The following TSHZ3 variants were observed in gnomAD, a reference collection of about 807,000 sequenced individuals.
TSHZ3 encodes teashirt homolog 3.
Under a neutral mutation model 64.5 loss-of-function variants are expected in TSHZ3, and 10 were observed. That is an observed-to-expected ratio of 0.16 (90% CI 0.10 to 0.26). The LOEUF (loss-of-function observed/expected upper bound fraction) is 0.26, where lower values mean the gene tolerates loss of function less well. Ranked by LOEUF, TSHZ3 falls within the 10% of genes least tolerant of loss-of-function variation. The pLI is 1.00. For synonymous variants in TSHZ3, 608 were observed against 593.1 expected (o/e 1.03, Z -0.36); for missense variants, 1,242 against 1,421.7 (o/e 0.87, Z 2.03).
At position 31,277,066 on chromosome 19, in the gene TSHZ3, C is replaced by A; in HGVS notation, c.2727G>T (p.Gln909His). The A allele has an allele frequency of 6.2e-7, 1 of 1,608,786 alleles. No homozygotes were observed. Among genetic ancestry groups the A allele is most frequent in the Non-Finnish European group, 8.5e-7 (1 of 1,176,620 alleles). ...AGGTCTGCCGGAGGCTGGCGGCAAA[C>A]TGGGCCTGGAGGATCAGGAGGTGCT... ...NPQHLLILQA[Q>H]FAASLRQTSE... is the part of the protein sequence containing the mutation. The change falls in exon 2 of 2, where the codon CAG (glutamine) becomes CAT (histidine). Residue 909 changes from glutamine (Q) to histidine (H), a missense_variant. Physicochemically the swap from Gln to His is conservative, Grantham distance 24. Coordinates refer to ENST00000240587, the MANE Select transcript of TSHZ3 (RefSeq NM_020856.4). This position sits in a 1 kb window ranked among gnomAD's most constrained non-coding sequence, Gnocchi z 4.5.
At position 31,276,379 on chromosome 19, in the gene TSHZ3, G is replaced by T; in HGVS notation, c.*168C>A. On this transcript the variant is annotated 3_prime_UTR_variant, in exon 2 of 2. Transcript: ENST00000240587. The stretch of plus-strand genomic sequence containing the variant: ...TTTACCAGTAACAACAGCTGATTAT[G>T]CACCTCTATTAAACACTGTACAGTT... 1.8e-6 allele frequency: 1 copy of T among 546,094 alleles called. No homozygotes were observed. The highest frequency in any genetic ancestry group is 3.1e-6 in the Non-Finnish European group (1 of 326,916). The allele number at this position is 546,094 out of a possible 1,614,324, so 33.8% of individuals were successfully genotyped here.
At chr19:31,224,456 G>A (rs919099792) in intron 4 of TSHZ3, among the ~76,000 whole-genome samples, 22 of 152,192 alleles carry the variant, frequency 1.4e-4, no homozygotes, top group African/African-American at 5.3e-4. Flanking sequence ...TATTCTGAAG[G>A]GGGAAAAGGA....
intron 6 of TSHZ3, among the ~76,000 whole-genome samples, chr19:31,152,337 T>C (rs1199347718): frequency 6.6e-6 from 1 of 152,034 alleles, no homozygotes; most frequent in Admixed American, 6.6e-5. Flanking sequence ...GCTTCTGTTT[T>C]TTGTCAGCCC....
intron 1 of TSHZ3, among the ~76,000 whole-genome samples, chr19:31,292,563 T>C (rs1210830259): frequency 6.6e-6 from 1 of 152,176 alleles, no homozygotes; most frequent in Non-Finnish European, 1.5e-5. Flanking sequence ...ATGGCTAACA[T>C]GAGATGGGAG....
At chr19:31,330,582 A>G (rs182257538) in intron 1 of TSHZ3, among the ~76,000 whole-genome samples, 250 of 151,676 alleles carry the variant, frequency 1.6e-3, no homozygotes, top group African/African-American at 5.8e-3. Flanking sequence ...TCCCACCTTA[A>G]CCAGCCACAG....
At chr19:31,338,462 C>T (rs572563658) in intron 1 of TSHZ3, among the ~76,000 whole-genome samples, 1 of 152,020 alleles carries the variant, frequency 6.6e-6, no homozygotes, top group Non-Finnish European at 1.5e-5. Flanking sequence ...ATTCCTGAGA[C>T]GTGGAAGTCT....
intron 5 of TSHZ3, among the ~76,000 whole-genome samples, chr19:31,177,160 C>G (rs1424784118): frequency 6.6e-6 from 1 of 152,190 alleles, no homozygotes; most frequent in Admixed American, 6.5e-5. Flanking sequence ...AAACTGGGAC[C>G]TATCCAAGAA....
At chr19:31,270,585 G>A (rs578130357), downstream of TSHZ3, among the ~76,000 whole-genome samples, 7 of 152,194 alleles carry the variant, frequency 4.6e-5, no homozygotes, top group Non-Finnish European at 7.3e-5. Context: ...AAAGGGTTGC[G>A]ATTACGGGCT....
chr19:31,304,114 A>G (rs934986020), intron 1 of TSHZ3, among the ~76,000 whole-genome samples: 5 of 152,084 alleles, frequency 3.3e-5, no homozygotes, highest in Non-Finnish European at 7.4e-5. Flanking sequence ...AGCTGGGATT[A>G]CAGGCGCGCA....
intron 4 of TSHZ3, among the ~76,000 whole-genome samples, chr19:31,225,869 G>A (rs368151497): frequency 8.4e-4 from 128 of 152,248 alleles, no homozygotes; most frequent in African/African-American, 2.7e-3. Context: ...GCTCATGCCC[G>A]TAACCCCAGC....
chr19:31,314,291 G>A (rs1382860517), intron 1 of TSHZ3, among the ~76,000 whole-genome samples: 3 of 152,342 alleles, frequency 2.0e-5, no homozygotes, highest in African/African-American at 7.2e-5. Context: ...ATGCAGGCAA[G>A]GGTGTTTCCA....
chr19:31,335,921 C>T (rs888644517), intron 1 of TSHZ3, among the ~76,000 whole-genome samples: 3 of 152,200 alleles, frequency 2.0e-5, no homozygotes, highest in Non-Finnish European at 4.4e-5. Flanking sequence ...AAAAAATCCC[C>T]GGTGCTGTGA....
chr19:31,248,276 A>T (rs1272805758), intron 1 of TSHZ3, among the ~76,000 whole-genome samples: 2 of 152,218 alleles, frequency 1.3e-5, no homozygotes, highest in Non-Finnish European at 2.9e-5. Flanking sequence ...GAAGAGAGAA[A>T]AGAATAAAAG....
rs1038524571 is a variant in TSHZ3 at position 31,309,751 on chromosome 19, A to G, written c.41-29999T>C. The stretch of plus-strand genomic sequence containing the variant: ...GTTGCAGGAATATTATTCCCTGAAG[A>G]CTCAGCTGGGGCATCTCCACTTTCA... On this transcript the variant is annotated intron_variant, in intron 1 of 1. Transcript: ENST00000240587. Among the ~76,000 whole-genome samples, 6 of 152,272 alleles carry G rather than the reference A, an allele frequency of 3.9e-5. No homozygotes were observed. The East Asian group carries it at 1.2e-3, about 29-fold the overall frequency.
intron 1 of TSHZ3, among the ~76,000 whole-genome samples, chr19:31,302,581 T>G (rs1013103734): frequency 2.6e-5 from 4 of 152,210 alleles, no homozygotes; most frequent in Non-Finnish European, 5.9e-5. Flanking sequence ...ATTCCAAACA[T>G]ACAGACATTT....
At chr19:31,315,838 T>C (rs1916585484) in intron 1 of TSHZ3, among the ~76,000 whole-genome samples, 1 of 152,138 alleles carries the variant, frequency 6.6e-6, no homozygotes, top group Admixed American at 6.5e-5. Context: ...TGCTGCTTGA[T>C]TGACAAGAAA....
chr19:31,268,310 G>A (rs965373118), intron 1 of TSHZ3, among the ~76,000 whole-genome samples: 3 of 152,160 alleles, frequency 2.0e-5, no homozygotes, highest in African/African-American at 7.2e-5. Flanking sequence ...ACCCACTGGT[G>A]CAGTACCCCC....
intron 4 of TSHZ3, among the ~76,000 whole-genome samples, chr19:31,212,496 G>A (rs1975271034): frequency 6.6e-6 from 1 of 151,858 alleles, no homozygotes; most frequent in African/African-American, 2.4e-5. Context: ...AAAGCAAAAG[G>A]CTCTCATTAT....
intron 1 of TSHZ3, among the ~76,000 whole-genome samples, chr19:31,304,497 TAAC>T (rs940656781): frequency 4.6e-5 from 6 of 130,522 alleles, no homozygotes; most frequent in Admixed American, 7.5e-5. Flanking sequence ...ACTGGGACCA[TAAC>T]AACAACAACA....
Sources: allele counts gnomAD v4.1 joint callset (sites outside exome capture counted in the v4.1 genomes callset), GRCh38; gene constraint gnomAD v4.1.1; non-coding constraint Gnocchi (gnomAD v3.1); transcripts MANE v1.5; gene names NCBI Gene and HGNC (gene_info 2026-07-23, HGNC 2026-07-21).